The following DGKB variants were observed in gnomAD, a reference collection of about 807,000 sequenced individuals.
DGKB encodes the protein diacylglycerol kinase beta.
In DGKB, 67 loss-of-function variants were observed where a neutral mutation model predicts 114.3. That is an observed-to-expected ratio of 0.59 (90% CI 0.48 to 0.72). The LOEUF is 0.72. Ranked by LOEUF, DGKB falls within the 30% of genes least tolerant of loss-of-function variation. The pLI, the probability that DGKB is intolerant of heterozygous loss-of-function variation, is 0.00. For missense variants in DGKB, 907 were observed against 975.2 expected (o/e 0.93, Z 0.93); for synonymous variants, 398 against 323.1 (o/e 1.23, Z -2.49).
chr7:14,397,764 A>C (rs1285722625), intron 21 of DGKB, among the ~76,000 whole-genome samples: 2 of 152,130 alleles, frequency 1.3e-5, no homozygotes, highest in Non-Finnish European at 2.9e-5. Context: ...CATGCAAAAA[A>C]AAGTGGATTG....
intron 14 of DGKB, among the ~76,000 whole-genome samples, chr7:14,625,967 T>C (rs569361489): frequency 1.3e-5 from 2 of 152,270 alleles, no homozygotes; most frequent in African/African-American, 2.4e-5. Context: ...CTGGGGAATA[T>C]ATTGTATTAG....
At chr7:14,761,620 A>T (rs1835707366) in intron 2 of DGKB, among the ~76,000 whole-genome samples, 1 of 152,192 alleles carries the variant, frequency 6.6e-6, no homozygotes, top group South Asian at 2.1e-4. Context: ...TTATACCTGG[A>T]TGAACAGATA....
intron 23 of DGKB, among the ~76,000 whole-genome samples, chr7:14,229,730 T>C (rs549222559): frequency 6.6e-6 from 1 of 151,974 alleles, no homozygotes; most frequent in South Asian, 2.1e-4. Context: ...TCAATGACCA[T>C]CCTTCATTCC....
intron 25 of DGKB, among the ~76,000 whole-genome samples, chr7:14,160,153 C>G (rs971307558): frequency 6.6e-6 from 1 of 152,052 alleles, no homozygotes; most frequent in Non-Finnish European, 1.5e-5. Context: ...TTATGACAAA[C>G]CCACAGCCAA....
At chr7:14,644,034 A>G (rs1422825654) in intron 13 of DGKB, among the ~76,000 whole-genome samples, 2 of 152,132 alleles carry the variant, frequency 1.3e-5, no homozygotes, top group African/African-American at 4.8e-5. Context: ...GCTCTCCCAA[A>G]GAAAGTTATG....
intron 6 of DGKB, 30 bp downstream of exon 6, chr7:14,718,512 G>A (rs758825425): frequency 1.1e-5 from 18 of 1,586,706 alleles, no homozygotes; most frequent in Admixed American, 1.8e-5. Context: ...CCCCAATCAC[G>A]ATAAGTAAAC....
chr7:14,843,315 C>CTTTTTT (rs761304991), intron 1 of DGKB, among the ~76,000 whole-genome samples: 3 of 77,232 alleles, frequency 3.9e-5, no homozygotes, highest in African/African-American at 5.1e-5. Flanking sequence ...ATTTTAATAA[C>CTTTTTT]TTTTTTTTTT....
At chr7:14,424,668 C>G (rs936773326) in intron 21 of DGKB, among the ~76,000 whole-genome samples, 4 of 151,896 alleles carry the variant, frequency 2.6e-5, no homozygotes, top group Non-Finnish European at 4.4e-5. Flanking sequence ...AGCTTCAAAC[C>G]GGGTCTCCGG....
intron 23 of DGKB, among the ~76,000 whole-genome samples, chr7:14,336,076 A>G (rs1810598755): frequency 6.6e-6 from 1 of 152,218 alleles, no homozygotes; most frequent in Admixed American, 6.5e-5. Context: ...AATTGAAAAC[A>G]AAATCAAGTA....
chr7:14,881,771 A>T (rs1854273616), intron 1 of DGKB, among the ~76,000 whole-genome samples: 1 of 152,090 alleles, frequency 6.6e-6, no homozygotes, highest in African/African-American at 2.4e-5. Context: ...GTGAAATGCT[A>T]ATGATTCTTC....
At chr7:14,836,505 T>C (rs1055348562) in intron 2 of DGKB, among the ~76,000 whole-genome samples, 3 of 152,206 alleles carry the variant, frequency 2.0e-5, no homozygotes, top group South Asian at 2.1e-4. Context: ...TTGTTATCCA[T>C]GAAAAGCCCA....
intron 20 of DGKB, among the ~76,000 whole-genome samples, chr7:14,492,194 A>G (rs1236364203): frequency 6.6e-6 from 1 of 152,068 alleles, no homozygotes; most frequent in East Asian, 1.9e-4. Flanking sequence ...CTTTGCTTTT[A>G]TTACCCCAAA....
rs76875239 is a variant in DGKB at position 14,758,884 on chromosome 7, AATAGATAGATAGATAGATAG to A, written c.71-1173_71-1154del. ...GTGGGTTTGTGTATGTGTGTGAAAC[AATAGATAGATAGATAGATAG>A]ATAGATAGATAGATAGATAGATAGA... On this transcript the variant is annotated intron_variant, in intron 2 of 25. Coordinates refer to ENST00000402815, the MANE Select transcript of DGKB (RefSeq NM_001350709.2). 1.6e-3 allele frequency among the ~76,000 whole-genome samples: 235 copies of A among 145,176 alleles called. 1 individual carries two copies. The highest frequency in any genetic ancestry group is 2.7e-3 in the Non-Finnish European group (181 of 66,740).
At chr7:14,659,552 A>C (rs1241254702) in intron 13 of DGKB, among the ~76,000 whole-genome samples, 2 of 148,308 alleles carry the variant, frequency 1.3e-5, no homozygotes, top group Non-Finnish European at 3.0e-5. Context: ...TTGGTGTATA[A>C]GAATGCTTGT....
At chr7:14,861,260 AGTTAT>A (rs1850936775) in intron 1 of DGKB, among the ~76,000 whole-genome samples, 1 of 152,000 alleles carries the variant, frequency 6.6e-6, no homozygotes, top group Admixed American at 6.6e-5. Flanking sequence ...ATTTCTGCTC[AGTTAT>A]ATGTTCAAAA....
chr7:14,552,101 T>G (rs1795186217), intron 20 of DGKB, among the ~76,000 whole-genome samples: 1 of 152,068 alleles, frequency 6.6e-6, no homozygotes, highest in Non-Finnish European at 1.5e-5. Flanking sequence ...TGCTAACAGT[T>G]TAAAAGGTAA....
intron 21 of DGKB, among the ~76,000 whole-genome samples, chr7:14,379,053 T>C (rs1818957236): frequency 2.6e-5 from 4 of 151,988 alleles, no homozygotes; most frequent in Admixed American, 2.0e-4. Context: ...ATTTTTTTTT[T>C]CAGTTTTTAC....
In DGKB at chr7:14,830,804, T is replaced by A. The variant is rs116710150; in HGVS notation, c.70+10390A>T. Among the ~76,000 whole-genome samples, 1,115 of 152,144 alleles carry A rather than the reference T, an allele frequency of 7.3e-3. 8 individuals carry two copies. The highest frequency in any genetic ancestry group is 0.026 in the African/African-American group (1,069 of 41,542). ...AGTTACTGCAGCTAGATTAGGGCCATTTGACCTCTTGCCCCAAATTATTTA... is the reference window on the plus strand; with the variant it reads ...AGTTACTGCAGCTAGATTAGGGCCAATTGACCTCTTGCCCCAAATTATTTA... On this transcript the variant is annotated intron_variant, in intron 2 of 25. Transcript: ENST00000402815.
Position 14,721,064 on chromosome 7 carries a change from A to G in DGKB, c.323-2379T>C, listed in dbSNP as rs556585864. ...GCTGATGAGCTAATCCTCTTTTCCAATGTTTCCCCCTGTGGTACTGAAATG... is the reference window on the plus strand; with the variant it reads ...GCTGATGAGCTAATCCTCTTTTCCAGTGTTTCCCCCTGTGGTACTGAAATG... On this transcript the variant is annotated intron_variant, in intron 5 of 25. Transcript: ENST00000402815. Among the ~76,000 whole-genome samples, 16 of 152,302 alleles carry G rather than the reference A, an allele frequency of 1.1e-4. No homozygotes were observed. The Middle Eastern group carries it at 0.01, about 97-fold the overall frequency.
Sources: allele counts gnomAD v4.1 joint callset (sites outside exome capture counted in the v4.1 genomes callset), GRCh38; gene constraint gnomAD v4.1.1; transcripts MANE v1.5; gene names NCBI Gene and HGNC (gene_info 2026-07-23, HGNC 2026-07-21).